The following PTPRD variants were observed in gnomAD, a reference collection of about 807,000 sequenced individuals.
The protein encoded by PTPRD is receptor-type tyrosine-protein phosphatase delta.
Under a neutral mutation model 214.5 loss-of-function variants are expected in PTPRD, and 34 were observed. That is an observed-to-expected ratio of 0.16 (90% CI 0.12 to 0.21). PTPRD has a LOEUF of 0.21. Ranked by LOEUF, PTPRD falls within the 10% of genes least tolerant of loss-of-function variation. PTPRD has a pLI of 1.00. For missense variants in PTPRD, 2,545 were observed against 2,398.7 expected (o/e 1.06, Z -1.27); for synonymous variants, 1,128 against 845.7 (o/e 1.33, Z -5.79).
At chr9:10,432,194 C>G (rs545943108) in intron 2 of PTPRD, among the ~76,000 whole-genome samples, 1 of 148,566 alleles carries the variant, frequency 6.7e-6, no homozygotes, top group African/African-American at 2.5e-5. Context: ...GAACAAAAAA[C>G]CAAACACCGC....
rs578145490 is a variant in PTPRD at position 9,602,515 on chromosome 9, G to T, written c.-286-27734C>A. 2.6e-5 allele frequency among the ~76,000 whole-genome samples: 4 copies of T among 152,086 alleles called. No individual in the cohort carries two copies. The South Asian group carries it at 8.3e-4, about 32-fold the overall frequency. Reference sequence around the variant, plus strand: ...TAACTTCAGTTATTTATATCTAAAAGAATAAGAGTAATTCCTGTCTCAAAA... The same window carrying T: ...TAACTTCAGTTATTTATATCTAAAATAATAAGAGTAATTCCTGTCTCAAAA... On this transcript the variant is annotated intron_variant, in intron 7 of 45. Coordinates refer to ENST00000381196, the MANE Select transcript of PTPRD (RefSeq NM_002839.4).
intron 12 of PTPRD, among the ~76,000 whole-genome samples, chr9:8,693,100 G>A (rs544132370): frequency 4.2e-4 from 64 of 152,260 alleles, no homozygotes; most frequent in African/African-American, 1.4e-3. Context: ...GGTATTATGC[G>A]CCGGGAGTTT....
At chr9:10,138,022 G>C (rs1195972017) in intron 3 of PTPRD, among the ~76,000 whole-genome samples, 1 of 151,564 alleles carries the variant, frequency 6.6e-6, no homozygotes, top group Non-Finnish European at 1.5e-5. Context: ...GCTAGCAGAA[G>C]AAAAGAAACA....
chr9:8,990,659 C>T (rs921406453), intron 11 of PTPRD, among the ~76,000 whole-genome samples: 4 of 152,136 alleles, frequency 2.6e-5, no homozygotes, highest in East Asian at 1.9e-4. Flanking sequence ...ATATTATTCT[C>T]GCCTTCCCCT....
chr9:9,125,017 C>T (rs2099826347), intron 10 of PTPRD, among the ~76,000 whole-genome samples: 1 of 152,180 alleles, frequency 6.6e-6, no homozygotes, highest in Non-Finnish European at 1.5e-5. Flanking sequence ...TGCCATCCCT[C>T]CCTTCATCCA....
intron 8 of PTPRD, among the ~76,000 whole-genome samples, chr9:9,443,223 A>G (rs538092146): frequency 2.3e-4 from 35 of 151,678 alleles, no homozygotes; most frequent in Admixed American, 7.9e-4. Context: ...AGCTAATTAT[A>G]CCTGGAAAAA....
intron 8 of PTPRD, among the ~76,000 whole-genome samples, chr9:9,547,903 G>T (rs1481119171): frequency 6.6e-6 from 1 of 150,676 alleles, no homozygotes; most frequent in Non-Finnish European, 1.5e-5. Flanking sequence ...AGAAGCTCAA[G>T]AAAAAAAGGC....
intron 10 of PTPRD, among the ~76,000 whole-genome samples, chr9:9,101,154 A>C (rs2099790805): frequency 6.6e-6 from 1 of 151,898 alleles, no homozygotes; most frequent in Non-Finnish European, 1.5e-5. Context: ...GCAAATGAAC[A>C]ATAATGATCA....
intron 3 of PTPRD, among the ~76,000 whole-genome samples, chr9:10,201,406 T>C (rs928458142): frequency 6.6e-6 from 1 of 152,098 alleles, no homozygotes; most frequent in Non-Finnish European, 1.5e-5. Flanking sequence ...CCTTCAACAT[T>C]GGCAAATGTT....
intron 10 of PTPRD, among the ~76,000 whole-genome samples, chr9:9,081,407 A>C (rs1243615069): frequency 4.6e-5 from 7 of 152,056 alleles, no homozygotes; most frequent in Admixed American, 4.6e-4. Context: ...GGAGTGTTTT[A>C]CTTCCAATTA....
At chr9:10,059,802 C>T (rs1266275102) in intron 3 of PTPRD, among the ~76,000 whole-genome samples, 4 of 150,446 alleles carry the variant, frequency 2.7e-5, no homozygotes, top group African/African-American at 4.9e-5. Context: ...AAACACTAAG[C>T]TTTACCTGTG....
intron 2 of PTPRD, among the ~76,000 whole-genome samples, chr9:10,517,006 A>G (rs1359833206): frequency 1.3e-5 from 2 of 151,934 alleles, no homozygotes; most frequent in East Asian, 1.9e-4. Context: ...AGGAATTTCA[A>G]TGCTTTCAAT....
chr9:10,031,043 T>G (rs950217805), intron 4 of PTPRD, among the ~76,000 whole-genome samples: 1 of 152,218 alleles, frequency 6.6e-6, no homozygotes, highest in Admixed American at 6.5e-5. Flanking sequence ...AATCTATCTG[T>G]GCTTGTCTTT....
chr9:10,333,906 A>G (rs907071064), intron 3 of PTPRD, among the ~76,000 whole-genome samples: 1 of 151,836 alleles, frequency 6.6e-6, no homozygotes, highest in East Asian at 1.9e-4. Flanking sequence ...AAGAACATTT[A>G]TACTTTCTGT....
chr9:9,517,286 T>C (rs2096861456), intron 8 of PTPRD, among the ~76,000 whole-genome samples: 1 of 152,058 alleles, frequency 6.6e-6, no homozygotes, highest in African/African-American at 2.4e-5. Flanking sequence ...TAGCATATAA[T>C]TCAGTTTGTA....
intron 3 of PTPRD, among the ~76,000 whole-genome samples, chr9:10,313,419 A>ACACACACACACACACAC (rs1565224241): frequency 2.2e-5 from 2 of 91,882 alleles, no homozygotes; most frequent in South Asian, 4.0e-4. Context: ...CACACACACA[A>ACACACACACACACACAC]ATTTTTAAAA....
At chr9:9,115,040 G>A (rs867430281) in intron 10 of PTPRD, among the ~76,000 whole-genome samples, 1 of 152,150 alleles carries the variant, frequency 6.6e-6, no homozygotes, top group Non-Finnish European at 1.5e-5. Context: ...CAAAGCTTGG[G>A]TGGCTGTCCT....
In PTPRD at chr9:8,935,516, G is replaced by T. The variant is rs190511022; in HGVS notation, c.-104+83181C>A. Among the ~76,000 whole-genome samples, 256 of 152,292 alleles carry T rather than the reference G, an allele frequency of 1.7e-3. 2 individuals carry two copies. Among genetic ancestry groups the T allele is most frequent in the Non-Finnish European group, 3.1e-3 (210 of 68,028 alleles). ...AGATTCTTAAAATATCATCCAAAGA[G>T]AAAGTCTACTTACTACCTTTTTTCA... On this transcript the variant is annotated intron_variant, in intron 11 of 45. Transcript: ENST00000381196.
chr9:8,512,702 G>C (rs1023082267), intron 21 of PTPRD, among the ~76,000 whole-genome samples: 7 of 151,742 alleles, frequency 4.6e-5, no homozygotes, highest in African/African-American at 1.7e-4. Flanking sequence ...TACTGTTAAA[G>C]GTATATCCAT....
Sources: gnomAD v4.1 joint callset for allele counts (sites outside exome capture counted in the v4.1 genomes callset) on GRCh38, gnomAD v4.1.1 for gene constraint, MANE v1.5 for transcripts, NCBI Gene and HGNC (gene_info 2026-07-23, HGNC 2026-07-21) for gene names.